The following GOLGA1 variants were observed in gnomAD, a reference collection of about 807,000 sequenced individuals.
GOLGA1 encodes golgin subfamily A member 1.
Under a neutral mutation model 119.7 loss-of-function variants are expected in GOLGA1, and 63 were observed. The ratio of observed to expected loss-of-function variants is 0.53; its 90% CI spans 0.43 to 0.65. GOLGA1 has a LOEUF of 0.65. Among genes scored for constraint, GOLGA1 ranks in the 30% least tolerant of loss-of-function variants. The pLI is 0.00. For missense variants in GOLGA1, 798 were observed against 912.8 expected (o/e 0.87, Z 1.62); for synonymous variants, 318 against 333.4 (o/e 0.95, Z 0.50).
chr9:124,900,478 C>A lies in GOLGA1; in HGVS notation c.1135G>T (p.Ala379Ser). The change falls in exon 13 of 23, where the codon GCC becomes TCC. Residue 379 changes from alanine to serine, a missense_variant. Coordinates refer to ENST00000373555, the MANE Select transcript of GOLGA1 (RefSeq NM_002077.4). ...QLQQSKGIVA[A>S]QETQIQELAA... ...AGCTCCTGTATCTGAGTTTCCTGGG[C>A]AGCCACAATGCCCTTGCTCTGTTGG... 6.3e-7 allele frequency: 1 copy of A among 1,590,400 alleles called. No homozygotes were observed. The highest frequency in any genetic ancestry group is 1.1e-5 in the South Asian group (1 of 90,528).
chr9:124,924,896 A>G (rs923366205), intron 7 of GOLGA1, among the ~76,000 whole-genome samples: 5 of 151,522 alleles, frequency 3.3e-5, no homozygotes, highest in Non-Finnish European at 5.9e-5. Context: ...TGGCTAACAC[A>G]GTGAAACCCT....
intron 4 of GOLGA1, among the ~76,000 whole-genome samples, chr9:124,930,106 T>C (rs1421688046): frequency 1.3e-5 from 2 of 152,196 alleles, no homozygotes; most frequent in Non-Finnish European, 2.9e-5. Flanking sequence ...ACTATTATCA[T>C]TACTCATACT....
chr9:124,895,444 C>CAACCCTCCACAACAGAG (rs1829952727), intron 15 of GOLGA1, among the ~76,000 whole-genome samples: 4 of 123,228 alleles, frequency 3.2e-5, no homozygotes, highest in East Asian at 2.7e-4. Context: ...CCACAACAGA[C>CAACCCTCCACAACAGAG]AACCCTCCAC....
In GOLGA1 at chr9:124,906,291, C is replaced by T. The variant is rs776793614; in HGVS notation, c.1065+2086G>A. 3.2e-4 allele frequency among the ~76,000 whole-genome samples: 47 copies of T among 148,772 alleles called. 1 individual carries two copies. Among genetic ancestry groups the T allele is most frequent in the South Asian group, 6.4e-4 (3 of 4,716 alleles). On this transcript the variant is annotated intron_variant, in intron 12 of 22. Transcript: ENST00000373555. ...ACTAAATACATAAAAATTAGCTTAG[C>T]GTGGTGGCACGTGCCTGTAATCCCA...
At chr9:124,917,098 G>A (rs2131471005) in intron 10 of GOLGA1, among the ~76,000 whole-genome samples, 1 of 152,090 alleles carries the variant, frequency 6.6e-6, no homozygotes, top group East Asian at 1.9e-4. Flanking sequence ...TAACAAGCAT[G>A]GGAAACTAAA....
At chr9:124,885,447 T>C (rs1163488935) in intron 19 of GOLGA1, among the ~76,000 whole-genome samples, 1 of 148,634 alleles carries the variant, frequency 6.7e-6, no homozygotes, top group African/African-American at 2.5e-5. Context: ...ATCACGCCAT[T>C]GCACTCCAGT....
chr9:124,918,009 T>A (rs1238278687), intron 10 of GOLGA1, among the ~76,000 whole-genome samples: 2 of 152,052 alleles, frequency 1.3e-5, no homozygotes, highest in African/African-American at 4.8e-5. Context: ...TGTGCCACCA[T>A]GCCCAGCTAA....
chr9:124,911,861 C>A (rs765770154), intron 11 of GOLGA1, 40 bp downstream of exon 11: 8 of 1,586,454 alleles, frequency 5.0e-6, no homozygotes, highest in South Asian at 1.1e-5. Flanking sequence ...ATCAACCCTG[C>A]CTTTCCAACA....
At chr9:124,904,999 AGCCGG>A (rs1830194939) in intron 12 of GOLGA1, among the ~76,000 whole-genome samples, 1 of 149,872 alleles carries the variant, frequency 6.7e-6, no homozygotes, top group African/African-American at 2.4e-5. Context: ...AAAAAAAATG[AGCCGG>A]GTGTGGTGGT....
At chr9:124,921,328 CTG>C (rs1830565607) in intron 9 of GOLGA1, 88 bp from the exon 10 acceptor site, 1 of 817,062 alleles carries the variant, frequency 1.2e-6, no homozygotes, top group Non-Finnish European at 2.1e-6. Context: ...ATGGTTTCTT[CTG>C]TGTCAGGGCT....
chr9:124,878,584 C>T lies in GOLGA1; in HGVS notation c.*1946G>A, dbSNP rs574529057. ...TTAGAATATTTATTCCACTCTTCCTCTTAAAGCTGAAGGAAATTCAACATG... is the reference window on the plus strand; with the variant it reads ...TTAGAATATTTATTCCACTCTTCCTTTTAAAGCTGAAGGAAATTCAACATG... On this transcript the variant is annotated 3_prime_UTR_variant, in exon 23 of 23. Transcript: ENST00000373555. The T allele has an allele frequency of 2.0e-5, 3 of 152,708 alleles. No homozygotes were observed. Among genetic ancestry groups the T allele is most frequent in the South Asian group, 2.1e-4 (1 of 4,830 alleles). 9.5% of individuals were successfully genotyped at this position (152,708 alleles called of 1,614,324 possible). A position where few individuals can be genotyped will look rare whatever the true frequency, so the allele number is the denominator to read the frequency against.
Position 124,880,649 on chromosome 9 carries a change from A to G in GOLGA1, c.2224-39T>C, listed in dbSNP as rs116418398. On this transcript the variant is annotated intron_variant, in intron 22 of 22. Transcript: ENST00000373555. Reference sequence around the variant, plus strand: ...AGAAAAGGCTTCTGAGATGCAAATCAGGACTTGGTGCCAGGGAAACTGAAC... The same window carrying G: ...AGAAAAGGCTTCTGAGATGCAAATCGGGACTTGGTGCCAGGGAAACTGAAC... 1,659 of 1,300,842 alleles carry G rather than the reference A, an allele frequency of 1.3e-3. 19 individuals are homozygous for G. In the African/African-American group the frequency reaches 0.021, roughly 17 times the overall value. 80.6% of individuals were successfully genotyped at this position (1,300,842 alleles called of 1,614,324 possible). A position where few individuals can be genotyped will look rare whatever the true frequency, so the allele number is the denominator to read the frequency against.
intron 19 of GOLGA1, among the ~76,000 whole-genome samples, chr9:124,885,972 T>C (rs1239582132): frequency 6.6e-6 from 1 of 151,942 alleles, no homozygotes; most frequent in African/African-American, 2.4e-5. Context: ...GGGAAATGTG[T>C]GAAGGGGGTG....
intron 15 of GOLGA1, among the ~76,000 whole-genome samples, chr9:124,894,221 C>T (rs1829915225): frequency 6.6e-6 from 1 of 152,160 alleles, no homozygotes; most frequent in Non-Finnish European, 1.5e-5. Context: ...GCTCCTTTGG[C>T]GTCTTCTCTG....
intron 15 of GOLGA1, among the ~76,000 whole-genome samples, chr9:124,895,763 C>A (rs558700593): frequency 5.9e-4 from 89 of 151,126 alleles, no homozygotes; most frequent in Middle Eastern, 3.5e-3. Context: ...CAGAGAACCT[C>A]CACAACAGAG....
chr9:124,906,729 G>A (rs1388223219), intron 12 of GOLGA1, among the ~76,000 whole-genome samples: 1 of 152,110 alleles, frequency 6.6e-6, no homozygotes, highest in Admixed American at 6.5e-5. Context: ...TCCAGCCTGG[G>A]TGACAAGAGC....
intron 15 of GOLGA1, among the ~76,000 whole-genome samples, chr9:124,895,582 C>CCCACGACAGAGACCCT (rs1326881667): frequency 6.7e-6 from 1 of 149,494 alleles, no homozygotes; most frequent in African/African-American, 2.5e-5. Flanking sequence ...CAAAGAACCA[C>CCCACGACAGAGACCCT]CCACGACAGA....
At chr9:124,911,027 T>C (rs1830328783) in intron 11 of GOLGA1, among the ~76,000 whole-genome samples, 2 of 152,226 alleles carry the variant, frequency 1.3e-5, no homozygotes, top group South Asian at 4.1e-4. Context: ...ATTCTGATTC[T>C]AGAAATCAAT....
At chr9:124,930,360 A>AAGACTCTAGC (rs1830750856) in intron 4 of GOLGA1, among the ~76,000 whole-genome samples, 1 of 152,196 alleles carries the variant, frequency 6.6e-6, no homozygotes, top group African/African-American at 2.4e-5. Flanking sequence ...AGATGGAATT[A>AAGACTCTAGC]AGACTCTAGC....
Sources: gnomAD v4.1 joint callset for allele counts (sites outside exome capture counted in the v4.1 genomes callset) on GRCh38, gnomAD v4.1.1 for gene constraint, MANE v1.5 for transcripts, NCBI Gene and HGNC (gene_info 2026-07-23, HGNC 2026-07-21) for gene names.